TUSC3: variants seen among roughly 807,000 people sequenced by gnomAD.
The protein encoded by TUSC3 is tumor suppressor candidate 3.
In TUSC3, 45 loss-of-function variants were observed where a neutral mutation model predicts 44.8. The observed-to-expected ratio is 1.00, with a 90% CI of 0.79 to 1.29. The LOEUF (loss-of-function observed/expected upper bound fraction) is 1.29, where lower values mean the gene tolerates loss of function less well. Among genes scored for constraint, TUSC3 ranks in the 50% most tolerant of loss-of-function variants. The pLI is 0.00. For synonymous variants in TUSC3, 212 were observed against 152.9 expected, an observed-to-expected ratio of 1.39 and a Z score of -2.85; for missense variants, 519 against 437.9, an observed-to-expected ratio of 1.19 and a Z score of -1.65.
At position 15,508,801 on chromosome 8, in the gene TUSC3, A is replaced by G. The variant is rs533393427; in HGVS notation, n.189+25318A>G. On this transcript the variant is annotated intron_variant and non_coding_transcript_variant, in intron 2 of 5. Transcript: ENST00000503191. ...AAGTGGAATAGGAAAAAAAGTAGGC[A>G]TTAATAAAGATAACAAAAACCAAAG... 2.6e-5 allele frequency among the ~76,000 whole-genome samples: 4 copies of G among 152,306 alleles called. No individual in the cohort carries two copies. In the East Asian group the frequency reaches 7.7e-4, roughly 29 times the overall value.
chr8:15,827,611 G>C, the TUSC3 span, among the ~76,000 whole-genome samples: 1 of 152,156 alleles, frequency 6.6e-6, no homozygotes, highest in East Asian at 1.9e-4. Flanking sequence ...AAGGACTCAT[G>C]ATTTTAAGAA....
chr8:15,446,697 G>A (rs769453669), intron 1 of TUSC3, among the ~76,000 whole-genome samples: 9 of 144,928 alleles, frequency 6.2e-5, no homozygotes, highest in East Asian at 2.1e-4. Context: ...GCCTCGGCTC[G>A]GCATCAGAGG....
chr8:15,461,917 A>G (rs1461564235), intron 1 of TUSC3, among the ~76,000 whole-genome samples: 1 of 152,090 alleles, frequency 6.6e-6, no homozygotes, highest in African/African-American at 2.4e-5. Flanking sequence ...AAACTATAGT[A>G]TGGATATGTG....
At chr8:15,802,002 C>G in the TUSC3 span, among the ~76,000 whole-genome samples, 1 of 152,148 alleles carries the variant, frequency 6.6e-6, no homozygotes, top group Non-Finnish European at 1.5e-5. Context: ...TTCTGACCAG[C>G]TGTTCTTCGA....
chr8:15,522,541 CT>C lies in TUSC3; in HGVS notation n.189+39072del, dbSNP rs78939124. ...AGCCACCATGCCCAGCCTATTCAGC[CT>C]TTTTTTTTTTTTTCACCTTGAGACA... On this transcript the variant is annotated intron_variant and non_coding_transcript_variant, in intron 2 of 5. Transcript: ENST00000503191. Among the ~76,000 whole-genome samples, 1,215 of 141,072 alleles carry C rather than the reference CT, an allele frequency of 8.6e-3. 1 individual carries two copies. Among genetic ancestry groups the C allele is most frequent in the East Asian group, 0.014 (69 of 4,868 alleles). The allele number at this position is 141,072 out of a possible 152,430, so 92.5% of individuals were successfully genotyped here. A position where few individuals can be genotyped will look rare whatever the true frequency, so the allele number is the denominator to read the frequency against.
chr8:15,778,383 C>T, the TUSC3 span, among the ~76,000 whole-genome samples: 1 of 152,242 alleles, frequency 6.6e-6, no homozygotes, highest in Admixed American at 6.5e-5. Flanking sequence ...AATCTCTGGG[C>T]TCTTAATATT....
At chr8:15,821,653 T>C in the TUSC3 span, among the ~76,000 whole-genome samples, 4 of 151,998 alleles carry the variant, frequency 2.6e-5, no homozygotes, top group African/African-American at 4.8e-5. Flanking sequence ...TCTCATTGAG[T>C]CAAAAACCAT....
At chr8:15,489,296 T>C (rs1800775677) in intron 2 of TUSC3, among the ~76,000 whole-genome samples, 1 of 152,176 alleles carries the variant, frequency 6.6e-6, no homozygotes, top group African/African-American at 2.4e-5. Flanking sequence ...AATTAAGTTG[T>C]TATTTAAAGA....
At chr8:15,491,090 G>T (rs1208428733) in intron 2 of TUSC3, among the ~76,000 whole-genome samples, 1 of 152,216 alleles carries the variant, frequency 6.6e-6, no homozygotes, top group Non-Finnish European at 1.5e-5. Context: ...AATAGTCACA[G>T]ATGCATTTGT....
intron 1 of TUSC3, among the ~76,000 whole-genome samples, chr8:15,423,720 G>T (rs1799766491): frequency 6.6e-6 from 1 of 152,156 alleles, no homozygotes; most frequent in African/African-American, 2.4e-5. Context: ...TCCAAGTGAA[G>T]GACAAGTCAG....
intron 1 of TUSC3, among the ~76,000 whole-genome samples, chr8:15,425,090 G>C (rs1799787319): frequency 6.6e-6 from 1 of 152,142 alleles, no homozygotes; most frequent in Non-Finnish European, 1.5e-5. Flanking sequence ...ATCTCTTTAG[G>C]ATTGAGTAAG....
chr8:15,457,285 G>T (rs1216467808), intron 1 of TUSC3, among the ~76,000 whole-genome samples: 1 of 151,756 alleles, frequency 6.6e-6, no homozygotes, highest in Non-Finnish European at 1.5e-5. Context: ...CCTGAACGTT[G>T]TGCACAAGTA....
At chr8:15,656,167 A>G (rs961635387) in intron 3 of TUSC3, among the ~76,000 whole-genome samples, 2 of 152,090 alleles carry the variant, frequency 1.3e-5, no homozygotes, top group South Asian at 4.1e-4. Flanking sequence ...CCCTAACCCT[A>G]CCAAACTCAT....
At chr8:15,589,230 C>A (rs1200194884) in intron 1 of TUSC3, among the ~76,000 whole-genome samples, 1 of 152,134 alleles carries the variant, frequency 6.6e-6, no homozygotes, top group Non-Finnish European at 1.5e-5. Flanking sequence ...TTTTTGTAGG[C>A]AGCATACGTC....
At chr8:15,480,330 A>C (rs1426301444) in intron 1 of TUSC3, among the ~76,000 whole-genome samples, 1 of 152,156 alleles carries the variant, frequency 6.6e-6, no homozygotes, top group Non-Finnish European at 1.5e-5. Context: ...AGAAAAACCT[A>C]CTCTGAAATC....
At chr8:15,502,492 T>A (rs1800980662) in intron 2 of TUSC3, among the ~76,000 whole-genome samples, 1 of 152,132 alleles carries the variant, frequency 6.6e-6, no homozygotes, top group Non-Finnish European at 1.5e-5. Context: ...TTTTCTTGTT[T>A]GTTTGTTTGT....
chr8:15,471,845 T>G lies in TUSC3; in HGVS notation n.92-11541T>G, dbSNP rs564391591. Among the ~76,000 whole-genome samples the G allele has an allele frequency of 3.9e-5, 6 of 152,274 alleles. No homozygotes were observed. In the South Asian group the frequency reaches 6.2e-4, roughly 16 times the overall value. On this transcript the variant is annotated intron_variant and non_coding_transcript_variant, in intron 1 of 5. Coordinates refer to the TUSC3 transcript ENST00000503191. ...GTTGGCCAGGCTGGTCTCGAACTCC[T>G]GACCTCAGGTGATCCACCGACCCCT... is the stretch of plus-strand genomic sequence containing the variant.
chr8:15,442,785 T>C (rs983128319), intron 1 of TUSC3, among the ~76,000 whole-genome samples: 3 of 152,142 alleles, frequency 2.0e-5, no homozygotes, highest in African/African-American at 7.2e-5. Context: ...GACCAAACTT[T>C]AGTCAGGCTC....
At chr8:15,777,810 A>G in the TUSC3 span, among the ~76,000 whole-genome samples, 1 of 152,298 alleles carries the variant, frequency 6.6e-6, no homozygotes, top group African/African-American at 2.4e-5. Flanking sequence ...ATATACAGAT[A>G]TATACAGACA....
Sources: gnomAD v4.1 joint callset for allele counts (sites outside exome capture counted in the v4.1 genomes callset) on GRCh38, gnomAD v4.1.1 for gene constraint, MANE v1.5 for transcripts, NCBI Gene and HGNC (gene_info 2026-07-23, HGNC 2026-07-21) for gene names.